CLHC1: variants seen among roughly 807,000 people sequenced by gnomAD.
CLHC1 encodes the protein clathrin heavy chain linker domain containing 1.
CLHC1 carries 72 observed loss-of-function variants against 69.5 expected under a neutral mutation model. That is an observed-to-expected ratio of 1.04 (90% CI 0.86 to 1.26). The LOEUF (loss-of-function observed/expected upper bound fraction) is 1.26. CLHC1 is among the 50% of genes most tolerant of loss of function. The pLI is 0.00. For missense variants in CLHC1, 790 were observed against 679.3 expected (o/e 1.16, Z -1.81); for synonymous variants, 223 against 224.3 (o/e 0.99, Z 0.05).
intron 9 of CLHC1, among the ~76,000 whole-genome samples, chr2:55,190,154 C>T (rs958443633): frequency 6.6e-6 from 1 of 152,074 alleles, no homozygotes; most frequent in Non-Finnish European, 1.5e-5. Context: ...ACGCCATTCT[C>T]CTGCCTCAGC....
rs761700073 is a variant in CLHC1 at position 55,208,653 on chromosome 2, G to C, written c.872C>G (p.Ala291Gly). Reference sequence around the variant, plus strand: ...TTCAATGTAGTGAAGCATAATTTCAGCTTCTTTTGCCCTGCGTGGATCATC... The same window carrying C: ...TTCAATGTAGTGAAGCATAATTTCACCTTCTTTTGCCCTGCGTGGATCATC... ...MEDDPRRAKE[A>G]EIMLHYIERF... is the part of the protein sequence containing the mutation. The change falls in exon 8 of 13, where the codon GCT (alanine) becomes GGT (glycine). Residue 291 changes from alanine to glycine, a missense_variant. Coordinates refer to ENST00000401408, the MANE Select transcript of CLHC1 (RefSeq NM_152385.4). The C allele has an allele frequency of 1.2e-6, 2 of 1,611,176 alleles. No individual in the cohort carries two copies. The highest frequency in any genetic ancestry group is 1.3e-5 in the African/African-American group (1 of 74,830).
chr2:55,208,505 C>A, intron 8 of CLHC1, 121 bp downstream of exon 8: 1 of 625,548 alleles, frequency 1.6e-6, no homozygotes, highest in Non-Finnish European at 2.8e-6. Context: ...TAAAACATAT[C>A]AACATTATAA....
chr2:55,189,350 A>G (rs1351660640), intron 9 of CLHC1, among the ~76,000 whole-genome samples: 1 of 152,230 alleles, frequency 6.6e-6, no homozygotes, highest in East Asian at 1.9e-4. Flanking sequence ...TTAAATAGTT[A>G]TTATGTTAAT....
In CLHC1 at chr2:55,173,309, G is replaced by A. The variant is rs937467846; in HGVS notation, c.*2481C>T. On this transcript the variant is annotated 3_prime_UTR_variant, in exon 13 of 13. Coordinates refer to ENST00000401408, the MANE Select transcript of CLHC1 (RefSeq NM_152385.4). ...AGATAATGCTAAGGAATTATTATTA[G>A]TAACTTTTAAAATACGTTGTGTGTT... Among the ~76,000 whole-genome samples the A allele has an allele frequency of 6.6e-6, 1 of 152,210 alleles. No individual in the cohort carries two copies. Among genetic ancestry groups the A allele is most frequent in the Non-Finnish European group, 1.5e-5 (1 of 68,038 alleles).
intron 4 of CLHC1, among the ~76,000 whole-genome samples, chr2:55,217,552 A>AATACATATATATAT (rs1673679194): frequency 1.4e-4 from 6 of 43,158 alleles, no homozygotes; most frequent in African/African-American, 7.2e-4. Flanking sequence ...AAAAAAAAAA[A>AATACATATATATAT]ATATATATAT....
chr2:55,194,992 C>A (rs1453906761), intron 9 of CLHC1, among the ~76,000 whole-genome samples: 3 of 151,852 alleles, frequency 2.0e-5, no homozygotes, highest in Non-Finnish European at 4.4e-5. Flanking sequence ...TCATAGCTCA[C>A]TGCAGCCTCA....
intron 4 of CLHC1, among the ~76,000 whole-genome samples, chr2:55,217,098 G>T (rs907703855): frequency 2.6e-5 from 4 of 152,156 alleles, no homozygotes; most frequent in African/African-American, 9.7e-5. Flanking sequence ...GGGAGGCTGA[G>T]GTGGGAGGAT....
intron 9 of CLHC1, among the ~76,000 whole-genome samples, chr2:55,187,520 A>G (rs1670532131): frequency 6.6e-6 from 1 of 151,728 alleles, no homozygotes; most frequent in South Asian, 2.1e-4. Flanking sequence ...GTTGGGGCAT[A>G]AGAATCACTT....
At position 55,175,820 on chromosome 2, in the gene CLHC1, T is replaced by C; in HGVS notation, c.1731A>G (p.Ala577=). ...AVTEISEEDD[A]VNLMEHVFW ...AAAACACATGTTCCATTAGGTTGAC[T>C]GCGTCATCCTCTTCAGAAATTTCTG... The change falls in exon 13 of 13, where the codon GCA becomes GCG. Residue 577 remains alanine, a synonymous_variant. Transcript: ENST00000401408. 3.7e-6 allele frequency: 6 copies of C among 1,613,844 alleles called. No homozygotes were observed. The highest frequency in any genetic ancestry group is 5.1e-6 in the Non-Finnish European group (6 of 1,179,780).
chr2:55,205,391 T>G (rs894885505), intron 9 of CLHC1, among the ~76,000 whole-genome samples: 8 of 138,694 alleles, frequency 5.8e-5, no homozygotes, highest in African/African-American at 1.9e-4. Context: ...GATGATTGGA[T>G]AAAGAAAATA....
At chr2:55,185,800 A>T (rs1670363172) in intron 9 of CLHC1, among the ~76,000 whole-genome samples, 1 of 152,178 alleles carries the variant, frequency 6.6e-6, no homozygotes, top group South Asian at 2.1e-4. Flanking sequence ...AGTTAAAAAC[A>T]GTCTATTTAT....
At chr2:55,188,049 C>G (rs1670578109) in intron 9 of CLHC1, among the ~76,000 whole-genome samples, 1 of 152,148 alleles carries the variant, frequency 6.6e-6, no homozygotes. Flanking sequence ...TGCAGTGGCT[C>G]ACACCTGTAA....
chr2:55,212,810 GA>G lies in CLHC1; in HGVS notation c.366-5del, dbSNP rs1558501091. ...ATTACTTTCGATAATCCTCATTCTG[GA>G]AAACAGAAAGGCTTTCTTATGTCTT... On this transcript the variant is annotated splice_region_variant and splice_polypyrimidine_tract_variant and intron_variant, in intron 4 of 12. Coordinates refer to ENST00000401408, the MANE Select transcript of CLHC1 (RefSeq NM_152385.4). 3 of 1,597,774 alleles carry G rather than the reference GA, an allele frequency of 1.9e-6. No individual in the cohort carries two copies. Among genetic ancestry groups the G allele is most frequent in the Non-Finnish European group, 1.7e-6 (2 of 1,165,980 alleles).
intron 3 of CLHC1, among the ~76,000 whole-genome samples, chr2:55,220,047 C>A (rs1673963843): frequency 6.6e-6 from 1 of 152,082 alleles, no homozygotes; most frequent in South Asian, 2.1e-4. Context: ...GTAAGTCATC[C>A]ATTTCTAAAA....
At chr2:55,204,428 C>G (rs1672246026) in intron 9 of CLHC1, among the ~76,000 whole-genome samples, 1 of 152,194 alleles carries the variant, frequency 6.6e-6, no homozygotes, top group Non-Finnish European at 1.5e-5. Flanking sequence ...TCTCAGCCCA[C>G]TTAAAACAGT....
intron 9 of CLHC1, among the ~76,000 whole-genome samples, chr2:55,195,158 T>A (rs559891889): frequency 6.6e-6 from 1 of 152,272 alleles, no homozygotes; most frequent in South Asian, 2.1e-4. Context: ...TAACTCAAAC[T>A]TAGTATCCTC....
chr2:55,231,087 TA>T (rs1393577549), intron 1 of CLHC1, among the ~76,000 whole-genome samples: 3 of 151,948 alleles, frequency 2.0e-5, no homozygotes, highest in African/African-American at 7.2e-5. Flanking sequence ...CCATCTCTAC[TA>T]AAAATACAAA....
At chr2:55,208,152 AC>A (rs1672621773) in intron 8 of CLHC1, among the ~76,000 whole-genome samples, 1 of 152,212 alleles carries the variant, frequency 6.6e-6, no homozygotes, top group Admixed American at 6.5e-5. Context: ...TAAGAAAAAT[AC>A]AGGCTGGGTT....
intron 2 of CLHC1, among the ~76,000 whole-genome samples, chr2:55,222,886 C>CTCCA (rs1427478202): frequency 6.9e-6 from 1 of 144,228 alleles, no homozygotes; most frequent in Non-Finnish European, 1.5e-5. Flanking sequence ...CGCCATTGCA[C>CTCCA]TCCAGCCTGG....
Sources: gnomAD v4.1 joint callset for allele counts (sites outside exome capture counted in the v4.1 genomes callset) on GRCh38, gnomAD v4.1.1 for gene constraint, MANE v1.5 for transcripts, NCBI Gene and HGNC (gene_info 2026-07-23, HGNC 2026-07-21) for gene names.